Variants in ZFAT observed in about 807,000 individuals in gnomAD.
ZFAT encodes zinc finger and AT-hook domain containing.
Under a neutral mutation model 117.7 loss-of-function variants are expected in ZFAT, and 64 were observed. That is an observed-to-expected ratio of 0.54 (90% confidence interval 0.44 to 0.67). ZFAT has a LOEUF of 0.67. Ranked by LOEUF, ZFAT falls within the 30% of genes least tolerant of loss-of-function variation. ZFAT has a pLI of 0.00. For missense variants in ZFAT, 1,433 were observed against 1,584.5 expected (o/e 0.90, Z 1.62); for synonymous variants, 679 against 615.0 (o/e 1.10, Z -1.54).
chr8:134,772,510 T>C, the ZFAT span, among the ~76,000 whole-genome samples: 1 of 152,152 alleles, frequency 6.6e-6, no homozygotes, highest in African/African-American at 2.4e-5. Context: ...AGGCAGAGGA[T>C]GAGAAAGCTG....
rs992621755 is a variant in ZFAT, at chr8:134,477,943, C to T, written c.*539G>A. ...TTTACCTCACTTGATACCAAGGGCC[C>T]TTAATACTCGGGGAAGTGGGACTTT... On this transcript the variant is annotated 3_prime_UTR_variant, in exon 16 of 16. Coordinates refer to ENST00000377838, the MANE Select transcript of ZFAT (RefSeq NM_020863.4). The T allele has an allele frequency of 6.4e-6, 1 of 155,186 alleles. No individual in the cohort carries two copies. The highest frequency in any genetic ancestry group is 2.4e-5 in the African/African-American group (1 of 41,450). 9.6% of individuals were successfully genotyped at this position (155,186 alleles called of 1,614,324 possible). A position where few individuals can be genotyped will look rare whatever the true frequency, so the allele number is the denominator to read the frequency against.
At chr8:134,736,565 C>T in the ZFAT span, among the ~76,000 whole-genome samples, 1 of 152,068 alleles carries the variant, frequency 6.6e-6, no homozygotes. Context: ...TCCCCCAAAG[C>T]CTTTTAACAT....
At chr8:134,650,923 C>T (rs888664533) in intron 2 of ZFAT, among the ~76,000 whole-genome samples, 1 of 152,188 alleles carries the variant, frequency 6.6e-6, no homozygotes, top group Non-Finnish European at 1.5e-5. Context: ...GGATCAAAGA[C>T]TTAAATGCTT....
At chr8:134,479,980 G>T (rs1369677203) in intron 15 of ZFAT, among the ~76,000 whole-genome samples, 1 of 144,102 alleles carries the variant, frequency 6.9e-6, no homozygotes, top group Non-Finnish European at 1.5e-5. Flanking sequence ...TGGAGACAAG[G>T]TCTGACTCTG....
chr8:134,487,625 A>C (rs1201394717), intron 15 of ZFAT, among the ~76,000 whole-genome samples: 1 of 152,026 alleles, frequency 6.6e-6, no homozygotes, highest in Non-Finnish European at 1.5e-5. Flanking sequence ...CTTCCCCCAC[A>C]CTCAATTTTG....
intron 2 of ZFAT, among the ~76,000 whole-genome samples, chr8:134,651,528 A>C (rs1206446898): frequency 6.6e-6 from 1 of 152,232 alleles, no homozygotes; most frequent in Non-Finnish European, 1.5e-5. Context: ...AATTCTTAAA[A>C]TGGCTAATTT....
chr8:134,699,337 T>C (rs978971556), intron 1 of ZFAT, among the ~76,000 whole-genome samples: 1 of 151,776 alleles, frequency 6.6e-6, no homozygotes, highest in Non-Finnish European at 1.5e-5. Flanking sequence ...ATAGAGGAAA[T>C]AAAAGGAGCT....
intron 12 of ZFAT, among the ~76,000 whole-genome samples, chr8:134,521,464 A>G (rs922007263): frequency 2.6e-5 from 4 of 152,228 alleles, no homozygotes; most frequent in African/African-American, 9.6e-5. Context: ...CCTTCACGTC[A>G]GAAGCTAAGT....
rs1015955411 is a variant in ZFAT, at chr8:134,506,460, A to G, written c.3492+3159T>C. On this transcript the variant is annotated intron_variant, in intron 15 of 15. Coordinates refer to ENST00000377838, the MANE Select transcript of ZFAT (RefSeq NM_020863.4). ...TTGAGGACAGATTTCTGTGTCCAACAAAGAATTTAAATGGTCTCAATTATG... is the reference window on the plus strand; with the variant it reads ...TTGAGGACAGATTTCTGTGTCCAACGAAGAATTTAAATGGTCTCAATTATG... Among the ~76,000 whole-genome samples the G allele has an allele frequency of 4.6e-5, 7 of 152,258 alleles. No homozygotes were observed. In the South Asian group the frequency reaches 1.4e-3, roughly 32 times the overall value.
intron 1 of ZFAT, among the ~76,000 whole-genome samples, chr8:134,671,485 A>G (rs1202135370): frequency 1.3e-5 from 2 of 152,254 alleles, no homozygotes; most frequent in Non-Finnish European, 2.9e-5. Context: ...GCATATAAAC[A>G]GAAACAAAGA....
intron 3 of ZFAT, among the ~76,000 whole-genome samples, chr8:134,631,498 A>C (rs1335454173): frequency 6.6e-6 from 1 of 152,204 alleles, no homozygotes; most frequent in Non-Finnish European, 1.5e-5. Context: ...CTGCATCTCA[A>C]ATTCTTCAGT....
chr8:134,712,099 TAAG>T (rs1394774888), intron 1 of ZFAT, among the ~76,000 whole-genome samples: 1 of 152,230 alleles, frequency 6.6e-6, no homozygotes, highest in African/African-American at 2.4e-5. Flanking sequence ...AGCCCTATTC[TAAG>T]AAGATGGAGG....
the ZFAT span, among the ~76,000 whole-genome samples, chr8:134,731,634 C>G: frequency 2.6e-5 from 4 of 152,210 alleles, no homozygotes; most frequent in African/African-American, 9.7e-5. Context: ...CATTAAGGTG[C>G]ACAGCTATGG....
chr8:134,712,936 C>G lies in ZFAT; in HGVS notation c.-73G>C. On this transcript the variant is annotated 5_prime_UTR_variant, in exon 1 of 16. Transcript: ENST00000377838. ...CCCCCTCCCGTGCCGACCGAGGGGGCGGGGCGCCCTGCTGACGCTTCGCTT... is the reference window on the plus strand; with the variant it reads ...CCCCCTCCCGTGCCGACCGAGGGGGGGGGGCGCCCTGCTGACGCTTCGCTT... The G allele has an allele frequency of 7.0e-7, 1 of 1,433,448 alleles. No individual in the cohort carries two copies. The highest frequency in any genetic ancestry group is 1.4e-5 in the South Asian group (1 of 72,514). 88.8% of individuals were successfully genotyped at this position (1,433,448 alleles called of 1,614,324 possible).
At chr8:134,826,734 A>C in the ZFAT span, among the ~76,000 whole-genome samples, 1 of 152,250 alleles carries the variant, frequency 6.6e-6, no homozygotes, top group African/African-American at 2.4e-5. Context: ...TAAACTTAAG[A>C]TAAATTTATA....
chr8:134,602,546 G>C lies in ZFAT; in HGVS notation c.1173C>G (p.Leu391=). 6.2e-7 allele frequency: 1 copy of C among 1,614,036 alleles called. No individual in the cohort carries two copies. The highest frequency in any genetic ancestry group is 2.2e-5 in the East Asian group (1 of 44,880). Residue 391 remains leucine (L), a synonymous_variant, in exon 6 of 16, where the codon CTC becomes CTG. Transcript: ENST00000377838. ...DKKVKEALDE[L]CLMTREGKRQ... is the part of the protein sequence containing the mutation. Reference sequence around the variant, plus strand: ...GCTTGCCCTCCCTCGTCATCAGGCAGAGCTCGTCCAAGGCCTCTTTGACCT... The same window carrying C: ...GCTTGCCCTCCCTCGTCATCAGGCACAGCTCGTCCAAGGCCTCTTTGACCT...
At chr8:134,499,786 CG>C (rs1818827966) in intron 15 of ZFAT, among the ~76,000 whole-genome samples, 1 of 152,180 alleles carries the variant, frequency 6.6e-6, no homozygotes, top group Admixed American at 6.5e-5. Context: ...GCGGTAAGGC[CG>C]GGGGCCAGAG....
At chr8:134,729,901 T>A in the ZFAT span, among the ~76,000 whole-genome samples, 1 of 152,158 alleles carries the variant, frequency 6.6e-6, no homozygotes, top group South Asian at 2.1e-4. Flanking sequence ...AATAACTGGA[T>A]TTTTCTTTTG....
At chr8:134,658,537 T>C (rs1330503028) in intron 1 of ZFAT, among the ~76,000 whole-genome samples, 1 of 152,132 alleles carries the variant, frequency 6.6e-6, no homozygotes, top group Non-Finnish European at 1.5e-5. Context: ...AGCCACTGAA[T>C]TCCTATTTAA....
Sources: allele counts gnomAD v4.1 joint callset (sites outside exome capture counted in the v4.1 genomes callset), GRCh38; gene constraint gnomAD v4.1.1; transcripts MANE v1.5; gene names NCBI Gene and HGNC (gene_info 2026-07-23, HGNC 2026-07-21).